The following DOC2B variants were observed in gnomAD, a reference collection of about 807,000 sequenced individuals.
DOC2B encodes double C2 domain beta, also known as double C2-like domain-containing protein beta.
Under a neutral mutation model 28.9 loss-of-function variants are expected in DOC2B, and 21 were observed. That is an observed-to-expected ratio of 0.73 (90% CI 0.52 to 1.05). The LOEUF (loss-of-function observed/expected upper bound fraction) is 1.05. Ranked by LOEUF, DOC2B falls within the 50% of genes least tolerant of loss-of-function variation. The pLI is 0.00. For synonymous variants in DOC2B, 194 were observed against 178.1 expected, an observed-to-expected ratio of 1.09 and a Z score of -0.71; for missense variants, 384 against 421.1, an observed-to-expected ratio of 0.91 and a Z score of 0.77.
chr17:173,234 T>C (rs991449755), intron 1 of DOC2B, among the ~76,000 whole-genome samples: 9 of 152,160 alleles, frequency 5.9e-5, no homozygotes, highest in South Asian at 2.1e-4. Flanking sequence ...GCAGCCATAA[T>C]TGGGGGAGGT....
Position 181,436 on chromosome 17 carries a change from TG to T in DOC2B, c.43del (p.Gln15ArgfsTer139). 1 of 1,166,352 alleles carries T rather than the reference TG, an allele frequency of 8.6e-7. No homozygotes were observed. Among genetic ancestry groups the T allele is most frequent in the South Asian group, 2.2e-5 (1 of 45,264 alleles). 72.3% of individuals were successfully genotyped at this position (1,166,352 alleles called of 1,614,324 possible). A position where few individuals can be genotyped will look rare whatever the true frequency, so the allele number is the denominator to read the frequency against. The part of the protein sequence containing the change: ...RRGEKATISI[Q>X]EHMAIDVCPG... ...GCACACGTCGATGGCCATATGCTCCTGGATGCTGATGGTCGCCTTCTCCCCG... is the reference window on the plus strand; with the variant it reads ...GCACACGTCGATGGCCATATGCTCCTGATGCTGATGGTCGCCTTCTCCCCG... On this transcript the variant is annotated frameshift_variant, in exon 1 of 9. Transcript: ENST00000613549. LOFTEE classifies it high-confidence loss of function. This position sits in a 1 kb window ranked among gnomAD's most constrained non-coding sequence, Gnocchi z 7.0.
At chr17:179,520 G>T (rs1232479224) in intron 1 of DOC2B, among the ~76,000 whole-genome samples, 3 of 152,256 alleles carry the variant, frequency 2.0e-5, no homozygotes, top group Non-Finnish European at 4.4e-5. Flanking sequence ...CAGCAGAGAT[G>T]CCAGAAATGG....
rs2040445259 is a variant in DOC2B, at chr17:181,569, G to A, written c.-90C>T. 2 of 655,850 alleles carry A rather than the reference G, an allele frequency of 3.0e-6. No individual in the cohort carries two copies. The highest frequency in any genetic ancestry group is 3.8e-6 in the Non-Finnish European group (2 of 531,826). 40.6% of individuals were successfully genotyped at this position (655,850 alleles called of 1,614,324 possible). A position where few individuals can be genotyped will look rare whatever the true frequency, so the allele number is the denominator to read the frequency against. On this transcript the variant is annotated 5_prime_UTR_variant, in exon 1 of 9. Transcript: ENST00000613549. The surrounding 1 kb of genome is among the most constrained non-coding windows in gnomAD (Gnocchi z 7.0). ...CAGCAGGCCCGGCGGGGCGCGGCGG[G>A]GGCTGCGGGCATCGCCGGCCGCGCC...
At chr17:172,086 A>G (rs575499758) in intron 2 of DOC2B, among the ~76,000 whole-genome samples, 1 of 152,204 alleles carries the variant, frequency 6.6e-6, no homozygotes, top group Non-Finnish European at 1.5e-5. Context: ...CAGGCCGTGG[A>G]CACCCTGCCT....
intron 8 of DOC2B, among the ~76,000 whole-genome samples, chr17:147,896 G>A (rs1269736941): frequency 3.3e-5 from 5 of 152,172 alleles, no homozygotes; most frequent in South Asian, 2.1e-4. Flanking sequence ...GGGAATTTGG[G>A]GCCTCTAGGG....
chr17:181,149 C>G lies in DOC2B; in HGVS notation c.331G>C (p.Glu111Gln). ...SPARPPAKPP[E>Q]DEPDADGYES... Reference sequence around the variant, plus strand: ...TAGCCGTCGGCGTCCGGCTCGTCCTCCGGCGGCTTGGCTGGCGGCCGCGCG... The same window carrying G: ...TAGCCGTCGGCGTCCGGCTCGTCCTGCGGCGGCTTGGCTGGCGGCCGCGCG... Residue 111 changes from glutamate (E) to glutamine (Q), a missense_variant, in exon 1 of 9, where the codon GAG becomes CAG. Coordinates refer to ENST00000613549, the MANE Select transcript of DOC2B (RefSeq NM_003585.5). The surrounding 1 kb of genome is among the most constrained non-coding windows in gnomAD (Gnocchi z 7.0). The G allele has an allele frequency of 8.0e-7, 1 of 1,254,404 alleles. No homozygotes were observed. The highest frequency in any genetic ancestry group is 1.0e-6 in the Non-Finnish European group (1 of 1,000,688). The allele number at this position is 1,254,404 out of a possible 1,614,324, so 77.7% of individuals were successfully genotyped here. A position where few individuals can be genotyped will look rare whatever the true frequency, so the allele number is the denominator to read the frequency against.
At chr17:177,134 A>G (rs547191547) in intron 1 of DOC2B, among the ~76,000 whole-genome samples, 117 of 151,654 alleles carry the variant, frequency 7.7e-4, no homozygotes, top group African/African-American at 2.8e-3. Flanking sequence ...CTTGTGTTGA[A>G]AGCATTTTAT....
chr17:156,466 G>C, intron 5 of DOC2B, 89 bp from the exon 6 acceptor site: 5 of 1,447,532 alleles, frequency 3.5e-6, no homozygotes, highest in Non-Finnish European at 4.7e-6. Context: ...CCGCCCATCC[G>C]GCTGCTGCAG....
intron 6 of DOC2B, among the ~76,000 whole-genome samples, chr17:151,454 G>T (rs1555521818): frequency 1.3e-5 from 2 of 152,068 alleles, no homozygotes; most frequent in Non-Finnish European, 2.9e-5. Flanking sequence ...TCCCAAACGC[G>T]CCAATAAGCA....
At chr17:163,834 T>A (rs1055622359) in intron 3 of DOC2B, 17 of 386,520 alleles carry the variant, frequency 4.4e-5, no homozygotes, top group Non-Finnish European at 7.1e-5. Flanking sequence ...CTGAGAATGC[T>A]TCTTATAAAA....
At chr17:165,265 T>C (rs111634023) in intron 2 of DOC2B, among the ~76,000 whole-genome samples, 21,388 of 152,046 alleles carry the variant, frequency 0.14, 1,658 homozygotes, top group Non-Finnish European at 0.17. Context: ...TCCCAGCGCT[T>C]GAGCCCAGGA....
In DOC2B at chr17:181,400, A is replaced by G. The variant is rs2040441646; in HGVS notation, c.80T>C (p.Ile27Thr). ...GTCGGAGATCTGCTTGATGGGACGGATGGGGCCGGGGCACACGTCGATGGC... is the reference window on the plus strand; with the variant it reads ...GTCGGAGATCTGCTTGATGGGACGGGTGGGGCCGGGGCACACGTCGATGGC... ...HMAIDVCPGP[I>T]RPIKQISDYF... The change falls in exon 1 of 9, where the codon ATC becomes ACC. Residue 27 changes from isoleucine to threonine, a missense_variant. Physicochemically the swap from Ile to Thr is moderately conservative, Grantham distance 89. Transcript: ENST00000613549. This position sits in a 1 kb window ranked among gnomAD's most constrained non-coding sequence, Gnocchi z 7.0. 1 of 1,168,926 alleles carries G rather than the reference A, an allele frequency of 8.6e-7. No individual in the cohort carries two copies. The highest frequency in any genetic ancestry group is 1.1e-6 in the Non-Finnish European group (1 of 940,764). 72.4% of individuals were successfully genotyped at this position (1,168,926 alleles called of 1,614,324 possible).
At chr17:176,703 G>A (rs2040374286) in intron 1 of DOC2B, among the ~76,000 whole-genome samples, 1 of 152,210 alleles carries the variant, frequency 6.6e-6, no homozygotes, top group African/African-American at 2.4e-5. Flanking sequence ...CGTGAGGAGG[G>A]CCCTAAGGGC....
intron 1 of DOC2B, 127 bp downstream of exon 1, chr17:180,980 G>T: frequency 2.5e-6 from 2 of 800,920 alleles, no homozygotes; most frequent in South Asian, 6.4e-5. Flanking sequence ...CAAGCCCGCG[G>T]CGGGGTTGTG....
chr17:172,906 G>A (rs569388114), intron 1 of DOC2B, among the ~76,000 whole-genome samples: 16 of 152,318 alleles, frequency 1.1e-4, no homozygotes, highest in African/African-American at 3.8e-4. Flanking sequence ...ACCTGAGCTG[G>A]GCACCCAGCC....
chr17:147,945 T>C (rs9914437), intron 8 of DOC2B, among the ~76,000 whole-genome samples: 32,124 of 152,088 alleles, frequency 0.21, 4,040 homozygotes, highest in Middle Eastern at 0.36. Context: ...TCATTGTCTC[T>C]TGTCTGTGCT....
chr17:156,588 C>T (rs2040138864), intron 5 of DOC2B, among the ~76,000 whole-genome samples: 1 of 152,230 alleles, frequency 6.6e-6, no homozygotes, highest in Non-Finnish European at 1.5e-5. Flanking sequence ...CACACCCTCC[C>T]TGTTCTTGGC....
chr17:161,315 A>G, intron 5 of DOC2B, 100 bp downstream of exon 5: 2 of 1,262,678 alleles, frequency 1.6e-6, no homozygotes, highest in Non-Finnish European at 2.2e-6. Flanking sequence ...CTCCCCTCTC[A>G]CTCTGCCCCT....
chr17:143,754 A>C lies in DOC2B; in HGVS notation c.*3687T>G, dbSNP rs1351426407. ...GTCATTATAAATATTAACAAATAAG[A>C]CTTAAAAAGGACACCTTCGGGTAGG... On this transcript the variant is annotated 3_prime_UTR_variant, in exon 9 of 9. Coordinates refer to ENST00000613549, the MANE Select transcript of DOC2B (RefSeq NM_003585.5). The C allele has an allele frequency of 5.9e-5, 9 of 152,034 alleles. No individual in the cohort carries two copies. In the East Asian group the frequency reaches 1.7e-3, roughly 29 times the overall value. The allele number at this position is 152,034 out of a possible 1,614,324, so 9.4% of individuals were successfully genotyped here. A position where few individuals can be genotyped will look rare whatever the true frequency, so the allele number is the denominator to read the frequency against.
Sources: allele counts gnomAD v4.1 joint callset (sites outside exome capture counted in the v4.1 genomes callset), GRCh38; gene constraint gnomAD v4.1.1; non-coding constraint Gnocchi (gnomAD v3.1); transcripts MANE v1.5; gene names NCBI Gene and HGNC (gene_info 2026-07-23, HGNC 2026-07-21).